The following MYO5A variants were observed in gnomAD, a reference collection of about 807,000 sequenced individuals.
MYO5A encodes myosin VA.
In MYO5A, 98 loss-of-function variants were observed where a neutral mutation model predicts 249.7. The observed-to-expected ratio is 0.39, with a 90% CI of 0.33 to 0.46. MYO5A has a LOEUF of 0.46. Ranked by LOEUF, MYO5A falls within the 20% of genes least tolerant of loss-of-function variation. MYO5A has a pLI of 0.98. For missense variants in MYO5A, 1,696 were observed against 2,308.8 expected, an observed-to-expected ratio of 0.73 and a Z score of 5.44; for synonymous variants, 778 against 810.6, an observed-to-expected ratio of 0.96 and a Z score of 0.68.
intron 1 of MYO5A, among the ~76,000 whole-genome samples, chr15:52,513,190 G>A (rs1380280048): frequency 1.3e-5 from 2 of 151,874 alleles, no homozygotes; most frequent in African/African-American, 2.4e-5. Flanking sequence ...CAGCACTTTG[G>A]GAGGCCGAGA....
intron 1 of MYO5A, among the ~76,000 whole-genome samples, chr15:52,450,843 G>GTTT (rs56842960): frequency 0.018 from 1,498 of 84,130 alleles, 9 homozygotes; most frequent in Non-Finnish European, 0.024. Context: ...CACTACTGTG[G>GTTT]TTTTTTTTTT....
intron 1 of MYO5A, among the ~76,000 whole-genome samples, chr15:52,491,765 T>A (rs1202757908): frequency 1.3e-5 from 2 of 152,154 alleles, no homozygotes; most frequent in African/African-American, 4.8e-5. Flanking sequence ...TTTCAAAAAC[T>A]CATACACGAA....
At chr15:52,487,723 CAAAAA>C (rs57515007) in intron 1 of MYO5A, among the ~76,000 whole-genome samples, 1 of 87,668 alleles carries the variant, frequency 1.1e-5, no homozygotes, top group Non-Finnish European at 2.5e-5. Flanking sequence ...GACTCTGTCT[CAAAAA>C]AAAAAAAAAA....
At chr15:52,470,471 G>A (rs913204693) in intron 1 of MYO5A, among the ~76,000 whole-genome samples, 1 of 152,072 alleles carries the variant, frequency 6.6e-6, no homozygotes, top group Non-Finnish European at 1.5e-5. Flanking sequence ...GACCAACATG[G>A]AGAAACTCCG....
At chr15:52,417,824 C>G (rs937781757) in intron 4 of MYO5A, among the ~76,000 whole-genome samples, 3 of 152,198 alleles carry the variant, frequency 2.0e-5, no homozygotes, top group Non-Finnish European at 4.4e-5. Flanking sequence ...GACTTTTCAG[C>G]CTCCAGAACA....
intron 1 of MYO5A, among the ~76,000 whole-genome samples, chr15:52,459,981 G>C (rs1049575866): frequency 6.6e-6 from 1 of 151,832 alleles, no homozygotes; most frequent in African/African-American, 2.4e-5. Context: ...GTGGCGGCGG[G>C]GCAGAGACAC....
chr15:52,370,516 T>C (rs1820139761), intron 21 of MYO5A, 99 bp from the exon 22 acceptor site: 2 of 1,296,998 alleles, frequency 1.5e-6, no homozygotes, highest in Non-Finnish European at 2.2e-6. Flanking sequence ...TGCTATATCA[T>C]CATAACATTG....
At chr15:52,528,747 C>T in intron 1 of MYO5A, 33 bp downstream of exon 1, 2 of 1,501,950 alleles carry the variant, frequency 1.3e-6, no homozygotes, top group Non-Finnish European at 8.8e-7. Flanking sequence ...CCGCACAGCC[C>T]CAGTCCTCGA....
intron 1 of MYO5A, among the ~76,000 whole-genome samples, chr15:52,461,601 A>C (rs1366513582): frequency 6.6e-6 from 1 of 152,216 alleles, no homozygotes; most frequent in Non-Finnish European, 1.5e-5. Flanking sequence ...ATTCATATTT[A>C]AATCTTATAT....
At chr15:52,322,198 C>A (rs1253097270) in intron 37 of MYO5A, among the ~76,000 whole-genome samples, 1 of 152,236 alleles carries the variant, frequency 6.6e-6, no homozygotes, top group Non-Finnish European at 1.5e-5. Context: ...GCCTCCTTAC[C>A]ACCTACTTAA....
At chr15:52,468,247 A>G (rs1196929313) in intron 1 of MYO5A, among the ~76,000 whole-genome samples, 1 of 152,194 alleles carries the variant, frequency 6.6e-6, no homozygotes, top group Non-Finnish European at 1.5e-5. Context: ...GGCTGCAGTG[A>G]GCCGAGGTCA....
chr15:52,353,345 T>G (rs1425506718), intron 27 of MYO5A, among the ~76,000 whole-genome samples: 1 of 152,244 alleles, frequency 6.6e-6, no homozygotes, highest in Non-Finnish European at 1.5e-5. Context: ...TAGTGGCAGA[T>G]GCTAGAGTCC....
At position 52,317,064 on chromosome 15, in the gene MYO5A, G is replaced by A. The variant is rs1398830788; in HGVS notation, c.5393C>T (p.Ala1798Val). ...TTGCTCTACCTGGGCAGTAGTTAAA[G>A]CATTGCACATAGAACAAATGGCTTC... ...DAEAICSMCN[A>V]LTTAQIVKVL... The change falls in exon 40 of 42, where the codon GCT becomes GTT. Residue 1798 changes from alanine to valine, a missense_variant. Coordinates refer to ENST00000399233, the MANE Select transcript of MYO5A (RefSeq NM_001382347.1). 1.2e-6 allele frequency: 2 copies of A among 1,614,000 alleles called. No individual in the cohort carries two copies. Among genetic ancestry groups the A allele is most frequent in the Middle Eastern group, 3.3e-4 (2 of 6,060 alleles).
At chr15:52,324,352 G>C (rs1461656959) in intron 36 of MYO5A, among the ~76,000 whole-genome samples, 1 of 152,140 alleles carries the variant, frequency 6.6e-6, no homozygotes, top group East Asian at 1.9e-4. Flanking sequence ...AAAGATGTGA[G>C]GGCTGGGAAT....
intron 34 of MYO5A, 41 bp downstream of exon 34, chr15:52,336,422 A>G (rs1270680783): frequency 3.0e-6 from 4 of 1,352,508 alleles, no homozygotes; most frequent in Non-Finnish European, 4.2e-6. Context: ...CAAGACTCAA[A>G]CCAAGACTCA....
At chr15:52,357,276 T>C (rs1334504009) in intron 25 of MYO5A, among the ~76,000 whole-genome samples, 1 of 152,080 alleles carries the variant, frequency 6.6e-6, no homozygotes, top group East Asian at 1.9e-4. Flanking sequence ...TTTTAAATTA[T>C]TTAATCTTTT....
At chr15:52,410,956 G>C (rs1345901249) in intron 5 of MYO5A, among the ~76,000 whole-genome samples, 1 of 152,170 alleles carries the variant, frequency 6.6e-6, no homozygotes, top group Non-Finnish European at 1.5e-5. Context: ...CAGTCACACA[G>C]ATATATACTA....
Position 52,408,200 on chromosome 15 carries a change from T to C in MYO5A, c.757-60A>G. ...TTAATCTAAAATTCAGGGAATTCTA[T>C]CATAAAATAAGATTTTAATATTTAA... On this transcript the variant is annotated intron_variant, in intron 6 of 41. Transcript: ENST00000399233. 5 of 977,944 alleles carry C rather than the reference T, an allele frequency of 5.1e-6. No individual in the cohort carries two copies. The South Asian group carries it at 6.9e-5, about 13-fold the overall frequency. The allele number at this position is 977,944 out of a possible 1,614,324, so 60.6% of individuals were successfully genotyped here.
At chr15:52,474,564 T>C (rs1040165593) in intron 1 of MYO5A, among the ~76,000 whole-genome samples, 6 of 152,288 alleles carry the variant, frequency 3.9e-5, no homozygotes, top group African/African-American at 1.4e-4. Context: ...ATACATCCCA[T>C]CAATACCTAA....
Sources: gnomAD v4.1 joint callset for allele counts (sites outside exome capture counted in the v4.1 genomes callset) on GRCh38, gnomAD v4.1.1 for gene constraint, MANE v1.5 for transcripts, NCBI Gene and HGNC (gene_info 2026-07-23, HGNC 2026-07-21) for gene names.